The following FNIP2 variants were observed in gnomAD, a reference collection of about 807,000 sequenced individuals.
FNIP2 encodes the protein folliculin interacting protein 2.
A neutral mutation model predicts 108.7 loss-of-function variants in FNIP2; 32 were observed. That is an observed-to-expected ratio of 0.29 (90% CI 0.22 to 0.40). FNIP2 has a LOEUF of 0.40. Among genes scored for constraint, FNIP2 ranks in the 10% least tolerant of loss-of-function variants. FNIP2 has a pLI of 1.00. For missense variants in FNIP2, 1,202 were observed against 1,381.6 expected (o/e 0.87, Z 2.06); for synonymous variants, 480 against 496.7 (o/e 0.97, Z 0.45).
intron 1 of FNIP2, among the ~76,000 whole-genome samples, chr4:158,808,928 AGTGC>A (rs1777120374): frequency 6.6e-6 from 1 of 152,244 alleles, no homozygotes; most frequent in African/African-American, 2.4e-5. Context: ...AGACGGAAAC[AGTGC>A]AGAAAGAAAC....
chr4:158,812,413 T>A (rs1168807107), intron 1 of FNIP2, among the ~76,000 whole-genome samples: 1 of 152,094 alleles, frequency 6.6e-6, no homozygotes, highest in Non-Finnish European at 1.5e-5. Flanking sequence ...GATAGCTACA[T>A]CTGAAGCTCA....
chr4:158,779,541 AT>A (rs562993812), intron 1 of FNIP2, among the ~76,000 whole-genome samples: 21 of 149,712 alleles, frequency 1.4e-4, no homozygotes, highest in African/African-American at 5.2e-4. Flanking sequence ...GGGTGATGAG[AT>A]TGTGGGTAAA....
intron 1 of FNIP2, among the ~76,000 whole-genome samples, chr4:158,805,817 A>G (rs1276068254): frequency 3.3e-5 from 5 of 152,228 alleles, no homozygotes; most frequent in Admixed American, 6.5e-5. Flanking sequence ...ATTGACTACT[A>G]CATAATCTCC....
chr4:158,812,707 T>G (rs1453807929), intron 1 of FNIP2, among the ~76,000 whole-genome samples: 1 of 152,068 alleles, frequency 6.6e-6, no homozygotes, highest in South Asian at 2.1e-4. Flanking sequence ...CACAGTGATA[T>G]ATTTGTTACC....
rs1299949001 is a variant in FNIP2, at chr4:158,818,115, T to TAGTTCCTTTGTACAAGA, written c.108-7800_108-7799insGTTCCTTTGTACAAGAA. 9.2e-5 allele frequency among the ~76,000 whole-genome samples: 14 copies of TAGTTCCTTTGTACAAGA among 152,386 alleles called. No individual in the cohort carries two copies. The South Asian group carries it at 2.5e-3, about 27-fold the overall frequency. On this transcript the variant is annotated intron_variant, in intron 1 of 16. Transcript: ENST00000264433. Reference sequence around the variant, plus strand: ...AAGAAATTCTGTCTTTTCCTCTCTGTACTTTGTAGTTCCTTGTTCATAGCA... The same window carrying TAGTTCCTTTGTACAAGA: ...AAGAAATTCTGTCTTTTCCTCTCTGTAGTTCCTTTGTACAAGAACTTTGTAGTTCCTTGTTCATAGCA...
intron 1 of FNIP2, chr4:158,794,717 G>A (rs540308469): frequency 5.9e-5 from 9 of 152,432 alleles, no homozygotes; most frequent in African/African-American, 1.9e-4. Context: ...TCTTATTGCA[G>A]TTTTAAATAT....
At position 158,784,707 on chromosome 4, in the gene FNIP2, A is replaced by G. The variant is rs186383718; in HGVS notation, c.107+15388A>G. On this transcript the variant is annotated intron_variant, in intron 1 of 16. Coordinates refer to ENST00000264433, the MANE Select transcript of FNIP2 (RefSeq NM_020840.3). ...GGGTTCGCACTACTATGAGAATCCA[A>G]TGCCACCACTGATCTGACAAGGTGG... 3.7e-3 allele frequency among the ~76,000 whole-genome samples: 558 copies of G among 152,244 alleles called. 1 individual carries two copies. The highest frequency in any genetic ancestry group is 0.011 in the African/African-American group (451 of 41,552).
chr4:158,869,994 A>C (rs971230483), intron 13 of FNIP2, among the ~76,000 whole-genome samples: 5 of 152,228 alleles, frequency 3.3e-5, no homozygotes, highest in African/African-American at 1.2e-4. Context: ...CAGATTCCTA[A>C]AGCCAGGCTT....
chr4:158,873,626 A>G (rs570949699), intron 14 of FNIP2, among the ~76,000 whole-genome samples: 39 of 152,362 alleles, frequency 2.6e-4, no homozygotes, highest in African/African-American at 9.1e-4. Context: ...TCTCTTATGA[A>G]AGAAAGATAT....
At chr4:158,831,681 T>C (rs1406848750) in intron 3 of FNIP2, among the ~76,000 whole-genome samples, 180 bp from the exon 4 acceptor site, 4 of 152,184 alleles carry the variant, frequency 2.6e-5, no homozygotes, top group Non-Finnish European at 5.9e-5. Flanking sequence ...ACATTAGTAA[T>C]ACTTTGGGGG....
chr4:158,897,569 G>T (rs1408100888), intron 16 of FNIP2, among the ~76,000 whole-genome samples: 1 of 152,152 alleles, frequency 6.6e-6, no homozygotes, highest in African/African-American at 2.4e-5. Context: ...TTGTGGTTTT[G>T]ATTTGCATTT....
intron 1 of FNIP2, among the ~76,000 whole-genome samples, chr4:158,783,790 A>G (rs756584461): frequency 6.6e-6 from 1 of 152,196 alleles, no homozygotes; most frequent in South Asian, 2.1e-4. Context: ...GGTTCCATCC[A>G]GTTCCAGAGC....
rs147530009 is a variant in FNIP2, at chr4:158,824,724, G to T, written c.108-1192G>T. On this transcript the variant is annotated intron_variant, in intron 1 of 16. Transcript: ENST00000264433. ...CTGTTTTCCTTGGCTTCTCATGGAGGGAGAACATGATCCTGGCCCCTGCCT... is the reference window on the plus strand; with the variant it reads ...CTGTTTTCCTTGGCTTCTCATGGAGTGAGAACATGATCCTGGCCCCTGCCT... 4.6e-5 allele frequency among the ~76,000 whole-genome samples: 7 copies of T among 152,280 alleles called. No individual in the cohort carries two copies. In the East Asian group the frequency reaches 1.4e-3, roughly 29 times the overall value.
chr4:158,769,326 G>C lies in FNIP2; in HGVS notation c.107+7G>C. 1 of 1,476,908 alleles carries C rather than the reference G, an allele frequency of 6.8e-7. No homozygotes were observed. The highest frequency in any genetic ancestry group is 2.4e-5 in the Admixed American group (1 of 41,910). 91.5% of individuals were successfully genotyped at this position (1,476,908 alleles called of 1,614,324 possible). A position where few individuals can be genotyped will look rare whatever the true frequency, so the allele number is the denominator to read the frequency against. On this transcript the variant is annotated splice_region_variant and intron_variant, in intron 1 of 16. Transcript: ENST00000264433. ...AGGAAGGACCCGCCTTTAGGTGAGG[G>C]GGCGCCGGGGGGCAATTCTGGCGCG...
chr4:158,865,933 A>C (rs1780550097), intron 12 of FNIP2, among the ~76,000 whole-genome samples: 1 of 152,012 alleles, frequency 6.6e-6, no homozygotes, highest in Non-Finnish European at 1.5e-5. Context: ...TGCCATTTGA[A>C]TGTTCTTAGG....
At chr4:158,846,645 G>A (rs1357658129) in intron 7 of FNIP2, among the ~76,000 whole-genome samples, 1 of 152,124 alleles carries the variant, frequency 6.6e-6, no homozygotes, top group Admixed American at 6.5e-5. Context: ...CCTCTTAAGG[G>A]TAATAGCTGA....
intron 14 of FNIP2, among the ~76,000 whole-genome samples, chr4:158,878,112 GA>G (rs971690260): frequency 2.0e-5 from 3 of 151,794 alleles, no homozygotes; most frequent in East Asian, 3.9e-4. Flanking sequence ...TTCCTGTCAT[GA>G]AAAAAAATGG....
At chr4:158,851,101 T>C (rs1779674407) in intron 7 of FNIP2, among the ~76,000 whole-genome samples, 1 of 152,178 alleles carries the variant, frequency 6.6e-6, no homozygotes, top group Non-Finnish European at 1.5e-5. Context: ...TTAAAATACA[T>C]ATAATATGAA....
chr4:158,890,767 G>T lies in FNIP2; in HGVS notation c.2950-679G>T, dbSNP rs73861409. 3.6e-3 allele frequency among the ~76,000 whole-genome samples: 549 copies of T among 152,266 alleles called. 3 individuals are homozygous for T. Among genetic ancestry groups the T allele is most frequent in the African/African-American group, 0.012 (518 of 41,550 alleles). The stretch of plus-strand genomic sequence containing the variant: ...TTCCAGGAACCATGGACTACTTGAA[G>T]GTGTTTGTACTAAGTCCCACCAGGC... On this transcript the variant is annotated intron_variant, in intron 14 of 16. Coordinates refer to ENST00000264433, the MANE Select transcript of FNIP2 (RefSeq NM_020840.3).
Sources: allele counts gnomAD v4.1 joint callset (sites outside exome capture counted in the v4.1 genomes callset), GRCh38; gene constraint gnomAD v4.1.1; transcripts MANE v1.5; gene names NCBI Gene and HGNC (gene_info 2026-07-23, HGNC 2026-07-21).